Variants in MRC2 observed in about 807,000 individuals in gnomAD.
MRC2 encodes the protein mannose receptor C-type 2, also known as C-type mannose receptor 2.
Under a neutral mutation model 206.2 loss-of-function variants are expected in MRC2, and 84 were observed. The observed-to-expected ratio is 0.41, with a 90% CI of 0.34 to 0.49. The LOEUF (loss-of-function observed/expected upper bound fraction) is 0.49. Among genes scored for constraint, MRC2 ranks in the 20% least tolerant of loss-of-function variants. MRC2 has a pLI of 0.31. For missense variants in MRC2, 1,676 were observed against 2,001.5 expected (o/e 0.84, Z 3.10); for synonymous variants, 798 against 800.0 (o/e 1.00, Z 0.04).
chr17:62,690,739 G>T lies in MRC2; in HGVS notation c.3990G>T (p.Leu1330=), dbSNP rs776136256. 3 of 1,610,306 alleles carry T rather than the reference G, an allele frequency of 1.9e-6. No homozygotes were observed. The African/African-American group carries it at 4.0e-5, about 22-fold the overall frequency. The change falls in exon 27 of 30, where the codon CTG becomes CTT. Residue 1330 remains leucine, a synonymous_variant. Coordinates refer to ENST00000303375, the MANE Select transcript of MRC2 (RefSeq NM_006039.5). ...SYEGQSRGAW[L]GMNFNPKGGT... ...AGGGCCAGAGTCGGGGCGCCTGGCT[G>T]GGCATGAACTTCAACCCCAAAGGTG...
rs2088902459 is a variant in MRC2 at position 62,677,110 on chromosome 17, C to G, written c.1835-159C>G. 2.6e-5 allele frequency among the ~76,000 whole-genome samples: 4 copies of G among 152,246 alleles called. No individual in the cohort carries two copies. The South Asian group carries it at 8.3e-4, about 32-fold the overall frequency. On this transcript the variant is annotated intron_variant, in intron 11 of 29. Transcript: ENST00000303375. ...AGAGCCAGGGCTCTGCCTCCATTCC[C>G]TTCCTCCCTCCTGGCTCCAACCCCA...
intron 26 of MRC2, 89 bp downstream of exon 26, chr17:62,690,394 C>G: frequency 1.4e-6 from 2 of 1,480,224 alleles, no homozygotes. Context: ...CCCCACACTG[C>G]TCTCTACCCA....
At chr17:62,673,822 C>T (rs550431832) in intron 8 of MRC2, among the ~76,000 whole-genome samples, 1 of 152,094 alleles carries the variant, frequency 6.6e-6, no homozygotes, top group Non-Finnish European at 1.5e-5. Flanking sequence ...GATGCCTTTC[C>T]CATTTAGACA....
At chr17:62,668,389 TAA>T (rs529140401) in intron 6 of MRC2, among the ~76,000 whole-genome samples, 10 of 132,900 alleles carry the variant, frequency 7.5e-5, no homozygotes, top group African/African-American at 8.5e-5. Flanking sequence ...TAAATAAATT[TAA>T]AAAAAAAAAG....
intron 18 of MRC2, 104 bp from the exon 19 acceptor site, chr17:62,681,733 C>G: frequency 1.1e-6 from 1 of 902,344 alleles, no homozygotes; most frequent in Non-Finnish European, 1.8e-6. Context: ...ACCCCAGAAC[C>G]TGGGCCCTTC....
At chr17:62,653,465 G>A (rs1382819215) in intron 1 of MRC2, among the ~76,000 whole-genome samples, 3 of 152,286 alleles carry the variant, frequency 2.0e-5, no homozygotes, top group Non-Finnish European at 2.9e-5. Context: ...TTAGTAGGTG[G>A]AGGGACAGTC....
At chr17:62,689,841 G>T in intron 24 of MRC2, 53 bp from the exon 25 acceptor site, 4 of 1,550,670 alleles carry the variant, frequency 2.6e-6, no homozygotes, top group Non-Finnish European at 3.5e-6. Context: ...CGCCTTATCC[G>T]CACCCTATCC....
intron 1 of MRC2, among the ~76,000 whole-genome samples, chr17:62,634,473 G>A (rs2088287500): frequency 6.6e-6 from 1 of 152,130 alleles, no homozygotes. Context: ...GCTAATGTTT[G>A]TACTTTTAGT....
chr17:62,677,269 G>A lies in MRC2; in HGVS notation c.1835G>A (p.Gly612Glu). 1 of 1,590,360 alleles carries A rather than the reference G, an allele frequency of 6.3e-7. No homozygotes were observed. The highest frequency in any genetic ancestry group is 1.3e-5 in the African/African-American group (1 of 74,502). ...TGGGTCTCCCTTCCCTCTCCTTCAG[G>A]GTACAGCCGTGGGGGCTGCGTGGCG... ...MYTHWNRDQP[G>E]YSRGGCVALA... Residue 612 changes from glycine (G) to glutamate (E), a missense_variant and splice_region_variant, in exon 12 of 30, where the codon GGG becomes GAG. Transcript: ENST00000303375.
At chr17:62,688,227 C>T (rs868569622) in intron 20 of MRC2, 62 bp from the exon 21 acceptor site, 47 of 1,481,314 alleles carry the variant, frequency 3.2e-5, no homozygotes, top group South Asian at 1.6e-4. Context: ...GCACAGTGGC[C>T]TTTCTGGGTT....
rs1356938889 is a variant in MRC2, at chr17:62,668,907, G to A, written c.1117+1374G>A. Among the ~76,000 whole-genome samples, 3 of 152,242 alleles carry A rather than the reference G, an allele frequency of 2.0e-5. No homozygotes were observed. In the East Asian group the frequency reaches 5.8e-4, roughly 29 times the overall value. The stretch of plus-strand genomic sequence containing the variant: ...GGGTGCAGAGTCCTCATTGCAAATG[G>A]AGAATGAAGCCACCCCCCTTGCAAG... On this transcript the variant is annotated intron_variant, in intron 6 of 29. Coordinates refer to ENST00000303375, the MANE Select transcript of MRC2 (RefSeq NM_006039.5).
chr17:62,668,274 C>T (rs1002859740), intron 6 of MRC2, among the ~76,000 whole-genome samples: 2 of 151,348 alleles, frequency 1.3e-5, no homozygotes, highest in Non-Finnish European at 2.9e-5. Flanking sequence ...ATTGCTTGAG[C>T]CTGCAAGGTT....
At chr17:62,631,057 G>T (rs999245410) in intron 1 of MRC2, among the ~76,000 whole-genome samples, 4 of 152,048 alleles carry the variant, frequency 2.6e-5, no homozygotes, top group Non-Finnish European at 5.9e-5. Flanking sequence ...CCGGGTTTTG[G>T]CCCCCATTTT....
At chr17:62,659,435 G>C (rs2088655370) in intron 1 of MRC2, among the ~76,000 whole-genome samples, 1 of 152,098 alleles carries the variant, frequency 6.6e-6, no homozygotes, top group African/African-American at 2.4e-5. Context: ...AGCTACTTGG[G>C]AGGCTGCTGA....
intron 1 of MRC2, among the ~76,000 whole-genome samples, chr17:62,628,571 T>C (rs1598960394): frequency 6.6e-6 from 1 of 152,206 alleles, no homozygotes; most frequent in African/African-American, 2.4e-5. Context: ...CGTGCTGTGA[T>C]GTTGCGTAGC....
At chr17:62,668,970 AAGG>A (rs948059037) in intron 6 of MRC2, among the ~76,000 whole-genome samples, 116 of 152,112 alleles carry the variant, frequency 7.6e-4, no homozygotes, top group African/African-American at 2.6e-3. Flanking sequence ...GCCTGGCACG[AAGG>A]AGTTTTTCTG....
chr17:62,688,242 G>A (rs1424236111), intron 20 of MRC2, 47 bp from the exon 21 acceptor site: 16 of 1,562,852 alleles, frequency 1.0e-5, no homozygotes, highest in Non-Finnish European at 1.4e-5. Context: ...TGGGTTTGTG[G>A]ATGGGGTGGT....
rs2088759835 is a variant in MRC2 at position 62,666,671 on chromosome 17, CCG to C, written c.859+54_859+55del. ...TGCCTCTGGAGGGCCCGGGCCCTTT[CCG>C]CTTGTGGGTTGGGGAGAGGGCGATG... On this transcript the variant is annotated intron_variant, in intron 4 of 29. Coordinates refer to ENST00000303375, the MANE Select transcript of MRC2 (RefSeq NM_006039.5). This position sits in a 1 kb window ranked among gnomAD's most constrained non-coding sequence, Gnocchi z 5.0. The C allele has an allele frequency of 6.4e-7, 1 of 1,551,624 alleles. No individual in the cohort carries two copies.
At chr17:62,633,914 C>T (rs1245150405) in intron 1 of MRC2, among the ~76,000 whole-genome samples, 1 of 146,368 alleles carries the variant, frequency 6.8e-6, no homozygotes, top group African/African-American at 2.5e-5. Flanking sequence ...GAAAGGAGGT[C>T]CAATCCAGAC....
Sources: gnomAD v4.1 joint callset for allele counts (sites outside exome capture counted in the v4.1 genomes callset) on GRCh38, gnomAD v4.1.1 for gene constraint, Gnocchi (gnomAD v3.1) non-coding constraint, MANE v1.5 for transcripts, NCBI Gene and HGNC (gene_info 2026-07-23, HGNC 2026-07-21) for gene names.